Variants in IL1RL1 observed in about 807,000 individuals in gnomAD.
IL1RL1 encodes the protein interleukin 1 receptor like 1.
In IL1RL1, 32 loss-of-function variants were observed where a neutral mutation model predicts 50.9. The ratio of observed to expected loss-of-function variants is 0.63; its 90% CI spans 0.47 to 0.84. The LOEUF (loss-of-function observed/expected upper bound fraction) is 0.84, where lower values mean the gene tolerates loss of function less well. Among genes scored for constraint, IL1RL1 ranks in the 40% least tolerant of loss-of-function variants. The pLI, the probability that IL1RL1 is intolerant of heterozygous loss-of-function variation, is 0.00. For missense variants in IL1RL1, 773 were observed against 662.9 expected, an observed-to-expected ratio of 1.17 and a Z score of -1.82; for synonymous variants, 275 against 236.0, an observed-to-expected ratio of 1.17 and a Z score of -1.51.
At chr2:102,320,327 A>T (rs1472934160) in intron 1 of IL1RL1, among the ~76,000 whole-genome samples, 5 of 152,096 alleles carry the variant, frequency 3.3e-5, no homozygotes, top group Non-Finnish European at 7.4e-5. Context: ...TTCATCCTTC[A>T]GGGAAGGATG....
intron 6 of IL1RL1, 43 bp from the exon 7 acceptor site, chr2:102,342,993 G>A (rs201461361): frequency 5.0e-5 from 79 of 1,587,244 alleles, no homozygotes; most frequent in Admixed American, 1.4e-4. Flanking sequence ...AATGCCAGTC[G>A]CAGAAGTTAA....
At chr2:102,340,034 A>C in intron 3 of IL1RL1, 64 bp from the exon 4 acceptor site, 1 of 963,388 alleles carries the variant, frequency 1.0e-6, no homozygotes, top group Non-Finnish European at 1.4e-6. Flanking sequence ...GTAAAGGCTG[A>C]ATTTAGATTA....
At chr2:102,325,093 G>A (rs1359002955) in intron 1 of IL1RL1, among the ~76,000 whole-genome samples, 2 of 152,138 alleles carry the variant, frequency 1.3e-5, no homozygotes, top group Non-Finnish European at 2.9e-5. Context: ...TAACTGGGAG[G>A]CACCCCCCAG....
At chr2:102,312,707 C>A (rs1320968545) in intron 1 of IL1RL1, among the ~76,000 whole-genome samples, 3 of 151,710 alleles carry the variant, frequency 2.0e-5, no homozygotes, top group Non-Finnish European at 4.4e-5. Flanking sequence ...GAGTGAGGGC[C>A]ATTGTTTCTG....
intron 1 of IL1RL1, among the ~76,000 whole-genome samples, chr2:102,330,709 T>C (rs1677151990): frequency 1.3e-5 from 2 of 152,344 alleles, no homozygotes; most frequent in Non-Finnish European, 2.9e-5. Flanking sequence ...AAGTCTTTCA[T>C]CTGATATGCA....
rs557605613 is a variant in IL1RL1 at position 102,345,686 on chromosome 2, G to A, written c.971-2259G>A. 9.1e-6 allele frequency: 9 copies of A among 985,386 alleles called. No individual in the cohort carries two copies. The East Asian group carries it at 6.8e-4, about 75-fold the overall frequency. The allele number at this position is 985,386 out of a possible 1,614,324, so 61.0% of individuals were successfully genotyped here. A position where few individuals can be genotyped will look rare whatever the true frequency, so the allele number is the denominator to read the frequency against. ...TAATTTTGACTTTAACCCCTGATTTGTAAGTTTTTCATAAAATAAACAGAA... is the reference window on the plus strand; with the variant it reads ...TAATTTTGACTTTAACCCCTGATTTATAAGTTTTTCATAAAATAAACAGAA... On this transcript the variant is annotated intron_variant, in intron 8 of 10. Coordinates refer to ENST00000233954, the MANE Select transcript of IL1RL1 (RefSeq NM_016232.5).
intron 1 of IL1RL1, among the ~76,000 whole-genome samples, chr2:102,321,432 G>GT (rs1676835167): frequency 6.6e-6 from 1 of 152,088 alleles, no homozygotes; most frequent in Non-Finnish European, 1.5e-5. Flanking sequence ...TCTAAGCTCA[G>GT]TTGATGCAGA....
Position 102,343,023 on chromosome 2 carries a change from T to C in IL1RL1, c.683-13T>C. ...AGTTAATTTTATTGGTGAATGTCCT[T>C]ACTCCCCTCTAGGAAAAAACGCAAA... On this transcript the variant is annotated splice_polypyrimidine_tract_variant and intron_variant, in intron 6 of 10. Transcript: ENST00000233954. 1 of 1,612,520 alleles carries C rather than the reference T, an allele frequency of 6.2e-7. No individual in the cohort carries two copies. The highest frequency in any genetic ancestry group is 8.5e-7 in the Non-Finnish European group (1 of 1,179,340).
intron 1 of IL1RL1, among the ~76,000 whole-genome samples, chr2:102,328,774 C>T (rs1440734219): frequency 2.0e-5 from 3 of 152,144 alleles, no homozygotes; most frequent in Non-Finnish European, 2.9e-5. Context: ...AGGAATCCAA[C>T]TTACAAGGGA....
intron 1 of IL1RL1, among the ~76,000 whole-genome samples, chr2:102,331,962 G>A (rs547194886): frequency 6.6e-6 from 1 of 152,144 alleles, no homozygotes; most frequent in Non-Finnish European, 1.5e-5. Flanking sequence ...CAGCTATTCT[G>A]GAGGCTGAGG....
At chr2:102,325,988 G>A (rs1676986821) in intron 1 of IL1RL1, among the ~76,000 whole-genome samples, 1 of 152,068 alleles carries the variant, frequency 6.6e-6, no homozygotes. Context: ...TTCAAATTCA[G>A]GAAATACAGA....
chr2:102,347,572 C>T (rs1296224334), intron 8 of IL1RL1, among the ~76,000 whole-genome samples: 1 of 152,136 alleles, frequency 6.6e-6, no homozygotes, highest in Non-Finnish European at 1.5e-5. Flanking sequence ...TTTTGCATCT[C>T]CCTGAATCCT....
At chr2:102,333,748 C>T (rs919154847) in intron 1 of IL1RL1, among the ~76,000 whole-genome samples, 1 of 152,118 alleles carries the variant, frequency 6.6e-6, no homozygotes, top group Non-Finnish European at 1.5e-5. Context: ...ACCCTCCCTA[C>T]TTTTGGAGTC....
intron 1 of IL1RL1, among the ~76,000 whole-genome samples, chr2:102,325,575 A>G (rs549072406): frequency 1.3e-5 from 2 of 152,320 alleles, no homozygotes; most frequent in African/African-American, 2.4e-5. Context: ...GGAAGTTCGA[A>G]CCCATGGCAA....
At chr2:102,311,974 A>G (rs1279637411) in intron 1 of IL1RL1, among the ~76,000 whole-genome samples, 1 of 15,450 alleles carries the variant, frequency 6.5e-5, no homozygotes, top group East Asian at 3.0e-3. Context: ...ATATAATATT[A>G]TATATAATAT....
chr2:102,347,851 A>G, intron 8 of IL1RL1, 94 bp from the exon 9 acceptor site: 1 of 709,030 alleles, frequency 1.4e-6, no homozygotes, highest in South Asian at 1.9e-5. Context: ...CTTATGTGAA[A>G]TTCTTGTACT....
chr2:102,345,160 C>T, intron 8 of IL1RL1: 2 of 917,556 alleles, frequency 2.2e-6, no homozygotes, highest in African/African-American at 1.8e-5. Context: ...TGCTTTTTAT[C>T]ATCACTATGC....
At chr2:102,338,726 A>G (rs1049288159) in intron 2 of IL1RL1, 111 bp from the exon 3 acceptor site, 1 of 759,048 alleles carries the variant, frequency 1.3e-6, no homozygotes, top group East Asian at 2.6e-5. Flanking sequence ...AAGGTATCAC[A>G]GTATATGACC....
rs1413156259 is a variant in IL1RL1 at position 102,343,362 on chromosome 2, T to C, written c.917T>C (p.Leu306Pro). The change falls in exon 8 of 11, where the codon CTG becomes CCG. Residue 306 changes from leucine (L) to proline (P), a missense_variant. Physicochemically the swap from Leu to Pro is moderately conservative, Grantham distance 98. Coordinates refer to ENST00000233954, the MANE Select transcript of IL1RL1 (RefSeq NM_016232.5). ...DLLLQYDCLA[L>P]NLHGLRRHTV... is the part of the protein sequence containing the mutation. ...TTGCTGCAGTACGACTGTCTGGCCC[T>C]GAATTTGCATGGCTTGAGAAGGCAC... 6.2e-7 allele frequency: 1 copy of C among 1,614,212 alleles called. No homozygotes were observed. Among genetic ancestry groups the C allele is most frequent in the East Asian group, 2.2e-5 (1 of 44,884 alleles).
Sources: allele counts gnomAD v4.1 joint callset (sites outside exome capture counted in the v4.1 genomes callset), GRCh38; gene constraint gnomAD v4.1.1; transcripts MANE v1.5; gene names NCBI Gene and HGNC (gene_info 2026-07-23, HGNC 2026-07-21).